The following CDC42EP3 variants were observed in gnomAD, a reference collection of about 807,000 sequenced individuals.
CDC42EP3 encodes CDC42 effector protein 3.
CDC42EP3 carries 4 observed loss-of-function variants against 15.5 expected under a neutral mutation model. The observed-to-expected ratio is 0.26, with a 90% CI of 0.13 to 0.59. CDC42EP3 has a LOEUF of 0.59. Ranked by LOEUF, CDC42EP3 falls within the 20% of genes least tolerant of loss-of-function variation. CDC42EP3 has a pLI of 0.89. For missense variants in CDC42EP3, 309 were observed against 311.2 expected (o/e 0.99, Z 0.05); for synonymous variants, 145 against 130.3 (o/e 1.11, Z -0.77).
rs1252659080 is a variant in CDC42EP3, at chr2:37,644,241, G to A, written c.*1582C>T. The A allele has an allele frequency of 6.6e-6, 1 of 152,174 alleles. No individual in the cohort carries two copies. Among genetic ancestry groups the A allele is most frequent in the Admixed American group, 6.5e-5 (1 of 15,282 alleles). The allele number at this position is 152,174 out of a possible 1,614,324, so 9.4% of individuals were successfully genotyped here. On this transcript the variant is annotated 3_prime_UTR_variant, in exon 2 of 2. Transcript: ENST00000295324. ...ACCCAAAGAAAGAATCGTTGAAGTG[G>A]TTGGGAGAGGAGGTCATTTCTGAGA...
At chr2:37,657,094 C>T (rs547350540) in intron 1 of CDC42EP3, among the ~76,000 whole-genome samples, 9 of 148,988 alleles carry the variant, frequency 6.0e-5, no homozygotes, top group Non-Finnish European at 8.9e-5. Flanking sequence ...CCATTGCATG[C>T]GACAGTGAAC....
intron 1 of CDC42EP3, among the ~76,000 whole-genome samples, chr2:37,657,001 C>CCCCCCCCCCCCCCCCCG (rs1208218676): frequency 1.5e-4 from 15 of 103,252 alleles, no homozygotes; most frequent in East Asian, 5.3e-4. Flanking sequence ...CCCCCCGCCC[C>CCCCCCCCCCCCCCCCCG]CCGCCATCCT....
In CDC42EP3 at chr2:37,646,134, T is replaced by C. The variant is rs574719251; in HGVS notation, c.454A>G (p.Lys152Glu). The C allele has an allele frequency of 2.0e-4, 322 of 1,614,210 alleles. 6 individuals carry two copies. The South Asian group carries it at 3.0e-3, about 15-fold the overall frequency. Reference sequence around the variant, plus strand: ...AACAGACTGCTTTTCTCCTGAGCTTTTTCCTCCATGACGGGCTCGCAGCTA... The same window carrying C: ...AACAGACTGCTTTTCTCCTGAGCTTCTTCCTCCATGACGGGCTCGCAGCTA... Reference protein sequence around the residue: ...RLSCEPVMEEKAQEKSSLLEN... With the variant: ...RLSCEPVMEEEAQEKSSLLEN... Residue 152 changes from lysine to glutamate, a missense_variant, in exon 2 of 2, where the codon AAA (lysine) becomes GAA (glutamate). Transcript: ENST00000295324.
At position 37,646,732 on chromosome 2, in the gene CDC42EP3, G is replaced by C; in HGVS notation, c.-145C>G. The C allele has an allele frequency of 1.3e-6, 1 of 791,190 alleles. No homozygotes were observed. Among genetic ancestry groups the C allele is most frequent in the Non-Finnish European group, 2.0e-6 (1 of 489,660 alleles). 49.0% of individuals were successfully genotyped at this position (791,190 alleles called of 1,614,324 possible). On this transcript the variant is annotated 5_prime_UTR_variant, in exon 2 of 2. Coordinates refer to ENST00000295324, the MANE Select transcript of CDC42EP3 (RefSeq NM_006449.5). ...CAGAAGTGGCTTCGAAATGAGATGG[G>C]GTCAAAGAGAACCTTCCTGAGGTTA...
chr2:37,646,483 A>C lies in CDC42EP3; in HGVS notation c.105T>G (p.Leu35=). ...ILSPDMISPP[L]GDFRHTIHIG... ...TGTGGATGGTGTGGCGAAAGTCTCC[A>C]AGCGGGGGACTGATCATATCAGGAG... The change falls in exon 2 of 2, where the codon CTT becomes CTG. Residue 35 remains leucine, a synonymous_variant. Transcript: ENST00000295324. 2 of 1,614,110 alleles carry C rather than the reference A, an allele frequency of 1.2e-6. No individual in the cohort carries two copies. Among genetic ancestry groups the C allele is most frequent in the Non-Finnish European group, 1.7e-6 (2 of 1,179,978 alleles).
intron 1 of CDC42EP3, among the ~76,000 whole-genome samples, chr2:37,664,002 G>A (rs1051638004): frequency 2.0e-5 from 3 of 152,096 alleles, no homozygotes; most frequent in Non-Finnish European, 2.9e-5. Flanking sequence ...GTGAAGCCCC[G>A]TCTCTATTAA....
chr2:37,660,501 A>C (rs555226737), intron 1 of CDC42EP3, among the ~76,000 whole-genome samples: 1 of 152,342 alleles, frequency 6.6e-6, no homozygotes, highest in African/African-American at 2.4e-5. Context: ...TGGTGTTTTC[A>C]TACCAACTTG....
chr2:37,649,774 G>T (rs1216200037), intron 1 of CDC42EP3, among the ~76,000 whole-genome samples: 1 of 152,150 alleles, frequency 6.6e-6, no homozygotes, highest in Non-Finnish European at 1.5e-5. Context: ...CCTGCTTGAA[G>T]TGGGGCTTCA....
intron 1 of CDC42EP3, among the ~76,000 whole-genome samples, chr2:37,660,395 G>A (rs890693424): frequency 3.3e-5 from 5 of 152,126 alleles, no homozygotes; most frequent in African/African-American, 9.7e-5. Context: ...TACATGCATC[G>A]GTTATCTTCA....
chr2:37,664,172 T>TCAAAA (rs570024068), intron 1 of CDC42EP3, among the ~76,000 whole-genome samples: 33 of 152,078 alleles, frequency 2.2e-4, no homozygotes, highest in Middle Eastern at 3.4e-3. Context: ...AGACTCCATC[T>TCAAAA]CAAAACAAAA....
chr2:37,662,490 A>G (rs556283840), intron 1 of CDC42EP3, among the ~76,000 whole-genome samples: 1 of 152,306 alleles, frequency 6.6e-6, no homozygotes, highest in East Asian at 1.9e-4. Context: ...GATTGTTTTA[A>G]ATACAGTGTG....
chr2:37,654,858 A>G (rs1252790124), intron 1 of CDC42EP3, among the ~76,000 whole-genome samples: 3 of 152,202 alleles, frequency 2.0e-5, no homozygotes, highest in East Asian at 1.9e-4. Flanking sequence ...GCTCATGTCA[A>G]TCCTTTTACA....
At chr2:37,653,497 T>G (rs796133129) in intron 1 of CDC42EP3, among the ~76,000 whole-genome samples, 68 of 152,276 alleles carry the variant, frequency 4.5e-4, no homozygotes, top group African/African-American at 1.6e-3. Context: ...TTGCTTCATT[T>G]CTTACCATCT....
intron 1 of CDC42EP3, among the ~76,000 whole-genome samples, chr2:37,665,583 T>A (rs956883677): frequency 6.6e-6 from 1 of 152,218 alleles, no homozygotes. Context: ...ATGATTATGA[T>A]GTATTTGGAC....
rs549159234 is a variant in CDC42EP3 at position 37,652,919 on chromosome 2, C to A, written c.-235-6097G>T. Among the ~76,000 whole-genome samples, 40 of 152,214 alleles carry A rather than the reference C, an allele frequency of 2.6e-4. 1 individual carries two copies. The South Asian group carries it at 7.7e-3, about 29-fold the overall frequency. Reference sequence around the variant, plus strand: ...TCTACTCCCACTATCTTACCTAAATCTTAAAAGACAGACAAAGGTTCTTAT... The same window carrying A: ...TCTACTCCCACTATCTTACCTAAATATTAAAAGACAGACAAAGGTTCTTAT... On this transcript the variant is annotated intron_variant, in intron 1 of 1. Transcript: ENST00000295324.
intron 1 of CDC42EP3, among the ~76,000 whole-genome samples, chr2:37,650,861 G>C (rs951965006): frequency 1.3e-5 from 2 of 152,218 alleles, no homozygotes; most frequent in African/African-American, 4.8e-5. Context: ...TAGAGGCAGT[G>C]GGGCAATATC....
intron 1 of CDC42EP3, among the ~76,000 whole-genome samples, chr2:37,654,061 G>A (rs1361691256): frequency 6.6e-6 from 1 of 152,184 alleles, no homozygotes; most frequent in Non-Finnish European, 1.5e-5. Flanking sequence ...CCATGCCAGA[G>A]TATCCAGCGA....
rs116975211 is a variant in CDC42EP3 at position 37,647,976 on chromosome 2, G to T, written c.-235-1154C>A. ...CAGGGAGATGCTGGAACTCAGCCCT[G>T]CCCAGATTCCTGACCCACAGAACCT... On this transcript the variant is annotated intron_variant, in intron 1 of 1. Coordinates refer to ENST00000295324, the MANE Select transcript of CDC42EP3 (RefSeq NM_006449.5). 8.4e-4 allele frequency among the ~76,000 whole-genome samples: 128 copies of T among 152,260 alleles called. 3 individuals carry two copies. In the East Asian group the frequency reaches 0.022, roughly 27 times the overall value.
At chr2:37,663,640 T>G (rs781563917) in intron 1 of CDC42EP3, among the ~76,000 whole-genome samples, 3 of 152,174 alleles carry the variant, frequency 2.0e-5, no homozygotes, top group Non-Finnish European at 1.5e-5. Flanking sequence ...CCCCTTGCAT[T>G]TGAATGTTCT....
Sources: allele counts gnomAD v4.1 joint callset (sites outside exome capture counted in the v4.1 genomes callset), GRCh38; gene constraint gnomAD v4.1.1; transcripts MANE v1.5; gene names NCBI Gene and HGNC (gene_info 2026-07-23, HGNC 2026-07-21).